CORO2B: variants seen among roughly 807,000 people sequenced by gnomAD.
CORO2B encodes coronin-2B.
Under a neutral mutation model 58.8 loss-of-function variants are expected in CORO2B, and 26 were observed. The ratio of observed to expected loss-of-function variants is 0.44; its 90% confidence interval spans 0.32 to 0.61. The LOEUF (loss-of-function observed/expected upper bound fraction) is 0.61, where lower values mean the gene tolerates loss of function less well. Among genes scored for constraint, CORO2B ranks in the 20% least tolerant of loss-of-function variants. The pLI is 0.04. For synonymous variants in CORO2B, 242 were observed against 253.8 expected (o/e 0.95, Z 0.44); for missense variants, 460 against 645.1 (o/e 0.71, Z 3.11).
the CORO2B span, among the ~76,000 whole-genome samples, chr15:68,558,189 G>A: frequency 1.3e-5 from 2 of 152,080 alleles, no homozygotes; most frequent in African/African-American, 4.8e-5. Context: ...GTTCTGACCC[G>A]CTGCAGGACT....
intron 1 of CORO2B, among the ~76,000 whole-genome samples, chr15:68,604,641 G>A (rs571780063): frequency 6.6e-6 from 1 of 151,578 alleles, no homozygotes; most frequent in East Asian, 1.9e-4. Context: ...CCTCCCTTCT[G>A]TGTAAATTCA....
chr15:68,526,721 T>G, the CORO2B span, among the ~76,000 whole-genome samples: 2 of 152,250 alleles, frequency 1.3e-5, no homozygotes, highest in South Asian at 4.1e-4. Flanking sequence ...CTGAAGATGT[T>G]TTTCAAAGAG....
intron 2 of CORO2B, among the ~76,000 whole-genome samples, chr15:68,691,669 C>CT (rs1257093125): frequency 1.4e-5 from 2 of 146,370 alleles, no homozygotes; most frequent in Admixed American, 6.8e-5. Context: ...GGTTTTCAAG[C>CT]TTTTTTTTTA....
chr15:68,682,521 G>A (rs12440542), intron 2 of CORO2B, among the ~76,000 whole-genome samples: 27,974 of 151,964 alleles, frequency 0.18, 3,025 homozygotes, highest in East Asian at 0.45. Context: ...TCACATGGCC[G>A]CAGATTGACA....
chr15:68,560,280 TTTTC>T, the CORO2B span, among the ~76,000 whole-genome samples: 15 of 151,428 alleles, frequency 9.9e-5, no homozygotes, highest in South Asian at 2.1e-4. Context: ...TTTTTTTTCT[TTTTC>T]TTTCTTTCTT....
intron 2 of CORO2B, among the ~76,000 whole-genome samples, chr15:68,671,615 G>T (rs1266684909): frequency 1.3e-5 from 2 of 152,198 alleles, no homozygotes; most frequent in East Asian, 3.9e-4. Context: ...GGCTCGACTG[G>T]GGAATATACA....
intron 2 of CORO2B, among the ~76,000 whole-genome samples, chr15:68,665,916 A>G (rs145640360): frequency 1.8e-4 from 28 of 152,196 alleles, no homozygotes; most frequent in Non-Finnish European, 3.1e-4. Flanking sequence ...TACCTCTGGT[A>G]TATCTTTCTT....
intron 2 of CORO2B, among the ~76,000 whole-genome samples, chr15:68,683,579 T>C (rs1280015911): frequency 1.3e-5 from 2 of 152,146 alleles, no homozygotes; most frequent in African/African-American, 4.8e-5. Context: ...CTCCCCCCAC[T>C]GTAGGATATT....
the CORO2B span, among the ~76,000 whole-genome samples, chr15:68,520,689 T>C: frequency 6.6e-6 from 1 of 152,234 alleles, no homozygotes; most frequent in Non-Finnish European, 1.5e-5. Context: ...TATCGGCACA[T>C]TAATGTGGTT....
At chr15:68,662,022 A>AATTAATT (rs1566999578) in intron 2 of CORO2B, among the ~76,000 whole-genome samples, 3 of 147,916 alleles carry the variant, frequency 2.0e-5, no homozygotes, top group African/African-American at 7.9e-5. Flanking sequence ...ATAAATAAAT[A>AATTAATT]AATAAATTAA....
At chr15:68,614,229 AT>A (rs1900303007) in intron 1 of CORO2B, among the ~76,000 whole-genome samples, 1 of 152,202 alleles carries the variant, frequency 6.6e-6, no homozygotes, top group Non-Finnish European at 1.5e-5. Context: ...CCAGATCTTT[AT>A]TGTTAAATGA....
At chr15:68,562,838 G>A in the CORO2B span, among the ~76,000 whole-genome samples, 3,471 of 151,990 alleles carry the variant, frequency 0.023, 143 homozygotes, top group African/African-American at 0.079. Flanking sequence ...TTAGCCGGGC[G>A]TGGTGGCAGG....
intron 1 of CORO2B, among the ~76,000 whole-genome samples, chr15:68,580,022 C>T (rs1899387375): frequency 6.6e-6 from 1 of 152,218 alleles, no homozygotes; most frequent in South Asian, 2.1e-4. Flanking sequence ...GTGGAAAGTG[C>T]CAGGGTCAAG....
At chr15:68,565,001 T>C in the CORO2B span, among the ~76,000 whole-genome samples, 3 of 152,198 alleles carry the variant, frequency 2.0e-5, no homozygotes, top group African/African-American at 7.2e-5. Flanking sequence ...ATAAAACCTA[T>C]CCTTATAGTT....
chr15:68,550,152 G>T, the CORO2B span, among the ~76,000 whole-genome samples: 1 of 151,984 alleles, frequency 6.6e-6, no homozygotes, highest in African/African-American at 2.4e-5. Flanking sequence ...GTGTGCTGGG[G>T]GTGCTCTAAG....
chr15:68,627,911 G>A (rs1185569659), intron 1 of CORO2B, among the ~76,000 whole-genome samples: 1 of 151,950 alleles, frequency 6.6e-6, no homozygotes, highest in East Asian at 1.9e-4. Context: ...GTAGAAGTTC[G>A]ATGAGGCTCT....
chr15:68,652,350 A>T (rs1901669928), intron 2 of CORO2B, among the ~76,000 whole-genome samples: 1 of 152,164 alleles, frequency 6.6e-6, no homozygotes. Context: ...GAGGGGCCTT[A>T]TGAATATTCC....
chr15:68,703,962 G>A (rs2140321029), intron 3 of CORO2B, among the ~76,000 whole-genome samples: 1 of 151,944 alleles, frequency 6.6e-6, no homozygotes, highest in Middle Eastern at 3.4e-3. Context: ...GCAAGGCAGA[G>A]GTGGGCAGAT....
chr15:68,584,080 G>A (rs779231661), intron 1 of CORO2B, among the ~76,000 whole-genome samples: 3 of 152,250 alleles, frequency 2.0e-5, no homozygotes, highest in Non-Finnish European at 4.4e-5. Context: ...AGTGGCATTA[G>A]CCACAGTCCC....
Sources: allele counts gnomAD v4.1 joint callset (sites outside exome capture counted in the v4.1 genomes callset), GRCh38; gene constraint gnomAD v4.1.1; transcripts MANE v1.5; gene names NCBI Gene and HGNC (gene_info 2026-07-23, HGNC 2026-07-21).